The following KCNK9 variants were observed in gnomAD, a reference collection of about 807,000 sequenced individuals.
KCNK9 encodes potassium two pore domain channel subfamily K member 9.
A neutral mutation model predicts 10.8 loss-of-function variants in KCNK9; 1 was observed. The observed-to-expected ratio is 0.09, with a 90% CI of 0.03 to 0.44. The LOEUF (loss-of-function observed/expected upper bound fraction) is 0.44, where lower values mean the gene tolerates loss of function less well. Among genes scored for constraint, KCNK9 ranks in the 20% least tolerant of loss-of-function variants. KCNK9 has a pLI of 0.97. For synonymous variants in KCNK9, 231 were observed against 222.7 expected (o/e 1.04, Z -0.33); for missense variants, 303 against 515.0 (o/e 0.59, Z 3.98).
intron 1 of KCNK9, among the ~76,000 whole-genome samples, chr8:139,688,018 A>G (rs1816858100): frequency 1.3e-5 from 2 of 152,144 alleles, no homozygotes; most frequent in South Asian, 4.1e-4. Flanking sequence ...AATACCTAAC[A>G]TTAATGTGTG....
rs1814641574 is a variant in KCNK9, at chr8:139,617,696, G to A, written c.*562C>T. Among the ~76,000 whole-genome samples the A allele has an allele frequency of 6.6e-6, 1 of 152,188 alleles. No individual in the cohort carries two copies. Among genetic ancestry groups the A allele is most frequent in the African/African-American group, 2.4e-5 (1 of 41,450 alleles). On this transcript the variant is annotated 3_prime_UTR_variant, in exon 2 of 2. Transcript: ENST00000520439. ...TTTTGTTTGGAAGCAGCCAAAAGCA[G>A]GCTATGATGTGTGATGGGAAAGAAA...
At position 139,632,720 on chromosome 8, in the gene KCNK9, G is replaced by A. The variant is rs569968242; in HGVS notation, c.284-13621C>T. Among the ~76,000 whole-genome samples, 7 of 152,272 alleles carry A rather than the reference G, an allele frequency of 4.6e-5. No homozygotes were observed. In the East Asian group the frequency reaches 1.2e-3, roughly 25 times the overall value. On this transcript the variant is annotated intron_variant, in intron 1 of 1. Coordinates refer to ENST00000520439, the MANE Select transcript of KCNK9 (RefSeq NM_001282534.2). ...ATAGAAGCCTCAGAACCTAAGGTGG[G>A]ATGGTGCCTCCAGCTGTTAGGAGCC... is the stretch of plus-strand genomic sequence containing the variant.
chr8:139,627,470 G>A (rs1213010945), intron 1 of KCNK9, among the ~76,000 whole-genome samples: 1 of 152,138 alleles, frequency 6.6e-6, no homozygotes, highest in Non-Finnish European at 1.5e-5. Context: ...CAGGGGGTGA[G>A]GTCTGGAGCT....
At chr8:139,619,243 GTGGCCATATATTGGAGGGAGGAGA>G in intron 1 of KCNK9, 144 bp from the exon 2 acceptor site, 1 of 898,528 alleles carries the variant, frequency 1.1e-6, no homozygotes, top group Non-Finnish European at 1.7e-6. Flanking sequence ...GTAGAGGGGC[GTGGCCATATATTGGAGGGAGGAGA>G]ACAAAGGAGA....
At chr8:139,605,762 A>G (rs1377693937) in intron 2 of KCNK9, among the ~76,000 whole-genome samples, 1 of 152,278 alleles carries the variant, frequency 6.6e-6, no homozygotes, top group African/African-American at 2.4e-5. Context: ...ACTCGTTACA[A>G]AAGAAAGATG....
chr8:139,674,736 C>T lies in KCNK9; in HGVS notation c.283+27974G>A, dbSNP rs149673905. Among the ~76,000 whole-genome samples the T allele has an allele frequency of 1.6e-3, 251 of 152,298 alleles. 2 individuals carry two copies. Among genetic ancestry groups the T allele is most frequent in the African/African-American group, 5.7e-3 (237 of 41,554 alleles). On this transcript the variant is annotated intron_variant, in intron 1 of 1. Coordinates refer to ENST00000520439, the MANE Select transcript of KCNK9 (RefSeq NM_001282534.2). Reference sequence around the variant, plus strand: ...CACTGGTGCTGTGACAGGGCCCAGGCTGTCAGTCACTAAAGCCAAGCACCC... The same window carrying T: ...CACTGGTGCTGTGACAGGGCCCAGGTTGTCAGTCACTAAAGCCAAGCACCC...
At chr8:139,601,012 C>G (rs1817351779), downstream of KCNK9, 1 of 152,170 alleles carries the variant, frequency 6.6e-6, no homozygotes, top group Admixed American at 6.5e-5. Flanking sequence ...CTGTATGACT[C>G]AGAGGCACTG....
At chr8:139,664,818 C>T (rs1816257992) in intron 1 of KCNK9, among the ~76,000 whole-genome samples, 2 of 152,174 alleles carry the variant, frequency 1.3e-5, no homozygotes, top group Non-Finnish European at 2.9e-5. Flanking sequence ...GCCAGCTCCT[C>T]CAGCCATTGC....
intron 1 of KCNK9, among the ~76,000 whole-genome samples, chr8:139,663,988 T>C (rs781321809): frequency 6.6e-6 from 1 of 152,184 alleles, no homozygotes; most frequent in Non-Finnish European, 1.5e-5. Context: ...GCCAAGTCCC[T>C]GAATGCTCTG....
intron 1 of KCNK9, among the ~76,000 whole-genome samples, chr8:139,641,443 T>G (rs1273512518): frequency 1.3e-5 from 2 of 152,160 alleles, no homozygotes; most frequent in Non-Finnish European, 2.9e-5. Context: ...GGGCCCTGGG[T>G]CCTGGCACTC....
intron 1 of KCNK9, among the ~76,000 whole-genome samples, chr8:139,665,773 G>A (rs1396044532): frequency 2.0e-5 from 3 of 152,188 alleles, no homozygotes; most frequent in East Asian, 3.8e-4. Context: ...AAACTTGAAT[G>A]TGTACACAGT....
chr8:139,636,735 C>T (rs187404662), intron 1 of KCNK9, among the ~76,000 whole-genome samples: 221 of 152,264 alleles, frequency 1.5e-3, no homozygotes, highest in African/African-American at 4.9e-3. Context: ...AAAGTGTTTA[C>T]GTAAGAAAAA....
intron 1 of KCNK9, among the ~76,000 whole-genome samples, chr8:139,697,484 T>C (rs535048209): frequency 3.1e-4 from 47 of 151,476 alleles, no homozygotes; most frequent in African/African-American, 1.1e-3. Context: ...GATAGCTGGG[T>C]GGGTGGGTGG....
At chr8:139,647,572 G>T (rs1205893714) in intron 1 of KCNK9, among the ~76,000 whole-genome samples, 1 of 152,292 alleles carries the variant, frequency 6.6e-6, no homozygotes, top group East Asian at 1.9e-4. Flanking sequence ...GCTATGCAAA[G>T]GCCCTGAGAC....
At chr8:139,669,469 C>T (rs1816377879) in intron 1 of KCNK9, among the ~76,000 whole-genome samples, 2 of 152,250 alleles carry the variant, frequency 1.3e-5, no homozygotes, top group South Asian at 4.1e-4. Context: ...ATGTGCATAG[C>T]ATCTTCACCA....
intron 1 of KCNK9, among the ~76,000 whole-genome samples, chr8:139,673,596 T>C (rs1009975001): frequency 9.8e-5 from 15 of 152,308 alleles, no homozygotes; most frequent in African/African-American, 3.6e-4. Flanking sequence ...TAGGAGAGCT[T>C]CAAGGGCTTT....
At chr8:139,691,053 T>G (rs765484121) in intron 1 of KCNK9, among the ~76,000 whole-genome samples, 1 of 152,128 alleles carries the variant, frequency 6.6e-6, no homozygotes, top group Non-Finnish European at 1.5e-5. Flanking sequence ...ATGTCAGACA[T>G]GACTAATCAA....
Position 139,642,227 on chromosome 8 carries a change from C to A in KCNK9, c.284-23128G>T, listed in dbSNP as rs75032481. Among the ~76,000 whole-genome samples, 358 of 152,306 alleles carry A rather than the reference C, an allele frequency of 2.4e-3. 1 individual carries two copies. Among genetic ancestry groups the A allele is most frequent in the African/African-American group, 8.3e-3 (345 of 41,562 alleles). ...TAAAGCAACTAAATTTCATTCCCCA[C>A]CAAGAGCAGCCTGTGCGAATGTAGT... On this transcript the variant is annotated intron_variant, in intron 1 of 1. Transcript: ENST00000520439.
chr8:139,600,945 C>T (rs1817350284), downstream of KCNK9: 1 of 152,210 alleles, frequency 6.6e-6, no homozygotes, highest in Non-Finnish European at 1.5e-5. Flanking sequence ...CAAAAGCGCC[C>T]TGTTTACACG....
Sources: gnomAD v4.1 joint callset for allele counts (sites outside exome capture counted in the v4.1 genomes callset) on GRCh38, gnomAD v4.1.1 for gene constraint, MANE v1.5 for transcripts, NCBI Gene and HGNC (gene_info 2026-07-23, HGNC 2026-07-21) for gene names.